Variants in ANKRD30A observed in about 807,000 individuals in gnomAD.
The protein encoded by ANKRD30A is ankyrin repeat domain-containing protein 30A.
In ANKRD30A, 170 loss-of-function variants were observed where a neutral mutation model predicts 166.3. The observed-to-expected ratio is 1.02, with a 90% CI of 0.90 to 1.16. The LOEUF is 1.16. ANKRD30A is among the 50% of genes most tolerant of loss of function. The pLI is 0.00. For missense variants in ANKRD30A, 1,630 were observed against 1,518.0 expected (o/e 1.07, Z -1.23); for synonymous variants, 564 against 508.9 (o/e 1.11, Z -1.46).
At chr10:37,255,819 T>C in the ANKRD30A span, among the ~76,000 whole-genome samples, 6 of 152,228 alleles carry the variant, frequency 3.9e-5, no homozygotes, top group Non-Finnish European at 8.8e-5. Context: ...TTTATTATTA[T>C]TCTATTTCTG....
downstream of ANKRD30A, chr10:37,232,654 TTATATATATATATATATATA>T (rs10559316): frequency 3.3e-4 from 18 of 54,202 alleles, no homozygotes; most frequent in Middle Eastern, 0.035. Flanking sequence ...AGCATTGGTT[TTATATATATATATATATATA>T]TATATATATA....
chr10:37,177,087 CT>C (rs1247142528), intron 24 of ANKRD30A, among the ~76,000 whole-genome samples: 3 of 137,600 alleles, frequency 2.2e-5, no homozygotes, highest in Non-Finnish European at 4.8e-5. Context: ...TATTCAAACA[CT>C]TTTTCTATCA....
chr10:37,127,313 T>A (rs1836104097), intron 1 of ANKRD30A, among the ~76,000 whole-genome samples: 1 of 152,056 alleles, frequency 6.6e-6, no homozygotes, highest in Admixed American at 6.6e-5. Context: ...AAGTTTTTAA[T>A]GTACAAAATG....
the ANKRD30A span, among the ~76,000 whole-genome samples, chr10:37,253,941 C>T: frequency 6.6e-6 from 1 of 152,118 alleles, no homozygotes; most frequent in Non-Finnish European, 1.5e-5. Context: ...TGAGCCACTG[C>T]GCCCAGTCTA....
chr10:37,158,022 A>G (rs1197657459), intron 13 of ANKRD30A, among the ~76,000 whole-genome samples: 2 of 151,862 alleles, frequency 1.3e-5, no homozygotes, highest in Non-Finnish European at 2.9e-5. Flanking sequence ...TAGCTTAGTC[A>G]TTTATTCTGT....
At chr10:37,248,348 G>GA in the ANKRD30A span, 3 of 333,984 alleles carry the variant, frequency 9.0e-6, no homozygotes, top group South Asian at 8.2e-5. Context: ...GAGAACACTT[G>GA]AAAATCACTG....
chr10:37,156,912 T>C (rs1472066618), intron 13 of ANKRD30A, among the ~76,000 whole-genome samples: 1 of 152,196 alleles, frequency 6.6e-6, no homozygotes, highest in Admixed American at 6.5e-5. Context: ...GTCATGCATA[T>C]TTAGCCTTAA....
At chr10:37,253,429 A>G in the ANKRD30A span, among the ~76,000 whole-genome samples, 5 of 152,304 alleles carry the variant, frequency 3.3e-5, no homozygotes, top group South Asian at 8.3e-4. Context: ...AACCATTACT[A>G]CAATCCATTA....
In ANKRD30A at chr10:37,172,003, A is replaced by G. The variant is rs370817760; in HGVS notation, c.2258-1709A>G. 3.3e-4 allele frequency among the ~76,000 whole-genome samples: 48 copies of G among 146,092 alleles called. 5 individuals are homozygous for G. In the East Asian group the frequency reaches 6.9e-3, roughly 21 times the overall value. On this transcript the variant is annotated intron_variant, in intron 21 of 35. Coordinates refer to ENST00000361713, the MANE Select transcript of ANKRD30A (RefSeq NM_052997.3). ...TAAAGTATACCTAATATAGTTGTCA[A>G]CCACATTACTTTAGAAAACATAAAC...
chr10:37,183,391 G>C (rs1434087534), intron 24 of ANKRD30A, among the ~76,000 whole-genome samples: 1 of 145,798 alleles, frequency 6.9e-6, no homozygotes, highest in African/African-American at 2.5e-5. Flanking sequence ...CAGATCAGAA[G>C]CTAGAACAAG....
intron 15 of ANKRD30A, among the ~76,000 whole-genome samples, chr10:37,160,994 C>T (rs1273832143): frequency 2.0e-5 from 3 of 152,188 alleles, no homozygotes; most frequent in Admixed American, 1.3e-4. Context: ...TGGCTCACGC[C>T]TGTAATCCCA....
rs781201519 is a variant in ANKRD30A, at chr10:37,165,147, G to C, written c.2056G>C (p.Asp686His). 6 of 1,607,878 alleles carry C rather than the reference G, an allele frequency of 3.7e-6. No individual in the cohort carries two copies. The highest frequency in any genetic ancestry group is 2.2e-5 in the East Asian group (1 of 44,682). Reference sequence around the variant, plus strand: ...AAAGGACTATGAAGAAAATTCTTGGGATACTGAGGTACTGTGTGTTGTTGA... The same window carrying C: ...AAAGGACTATGAAGAAAATTCTTGGCATACTGAGGTACTGTGTGTTGTTGA... ...KQKDYEENSWDTESLCETVSQ... is the reference protein window; with the variant it reads ...KQKDYEENSWHTESLCETVSQ... Residue 686 changes from aspartate to histidine, a missense_variant, in exon 18 of 36, where the codon GAT (aspartate) becomes CAT (histidine). Transcript: ENST00000361713.
rs544994936 is a variant in ANKRD30A at position 37,149,267 on chromosome 10, T to G, written c.1544-384T>G. ...TTCAGCTGAACTCTCATCATAACTATGTACTTTTCCAAAGATAGGCCATAT... is the reference window on the plus strand; with the variant it reads ...TTCAGCTGAACTCTCATCATAACTAGGTACTTTTCCAAAGATAGGCCATAT... On this transcript the variant is annotated intron_variant, in intron 9 of 35. Coordinates refer to ENST00000361713, the MANE Select transcript of ANKRD30A (RefSeq NM_052997.3). Among the ~76,000 whole-genome samples the G allele has an allele frequency of 7.2e-5, 11 of 152,166 alleles. No individual in the cohort carries two copies. In the East Asian group the frequency reaches 1.9e-3, roughly 27 times the overall value.
the ANKRD30A span, among the ~76,000 whole-genome samples, chr10:37,241,424 G>T: frequency 6.6e-6 from 1 of 151,446 alleles, no homozygotes; most frequent in Non-Finnish European, 1.5e-5. Flanking sequence ...TATCATATAT[G>T]TCTGATGAAA....
At chr10:37,209,935 G>A (rs1842197299) in intron 31 of ANKRD30A, among the ~76,000 whole-genome samples, 1 of 151,968 alleles carries the variant, frequency 6.6e-6, no homozygotes, top group Non-Finnish European at 1.5e-5. Context: ...ACCTTTGCCA[G>A]AATCAGTATA....
At chr10:37,211,591 CAT>C (rs1389898099) in intron 31 of ANKRD30A, among the ~76,000 whole-genome samples, 1 of 152,120 alleles carries the variant, frequency 6.6e-6, no homozygotes, top group Non-Finnish European at 1.5e-5. Context: ...CTGCAATAAA[CAT>C]ATGTGTGCAT....
the ANKRD30A span, among the ~76,000 whole-genome samples, chr10:37,247,197 A>G: frequency 6.6e-6 from 1 of 152,228 alleles, no homozygotes; most frequent in Non-Finnish European, 1.5e-5. Context: ...AAACAGAAAA[A>G]GAACAAAAAG....
chr10:37,166,180 T>C (rs1371004510), intron 18 of ANKRD30A, among the ~76,000 whole-genome samples: 1 of 152,154 alleles, frequency 6.6e-6, no homozygotes, highest in East Asian at 1.9e-4. Context: ...CACTAAACAG[T>C]TCTATGATCG....
chr10:37,217,118 A>G (rs1842643105), intron 32 of ANKRD30A, among the ~76,000 whole-genome samples: 1 of 151,036 alleles, frequency 6.6e-6, no homozygotes. Context: ...AAAATATATA[A>G]TAATCAACAA....
Sources: gnomAD v4.1 joint callset for allele counts (sites outside exome capture counted in the v4.1 genomes callset) on GRCh38, gnomAD v4.1.1 for gene constraint, MANE v1.5 for transcripts, NCBI Gene and HGNC (gene_info 2026-07-23, HGNC 2026-07-21) for gene names.